The following PTPRQ variants were observed in gnomAD, a reference collection of about 807,000 sequenced individuals.
PTPRQ encodes phosphatidylinositol phosphatase PTPRQ.
In PTPRQ, 199 loss-of-function variants were observed where a neutral mutation model predicts 246.0. The ratio of observed to expected loss-of-function variants is 0.81; its 90% confidence interval spans 0.72 to 0.91. The LOEUF is 0.91. Among genes scored for constraint, PTPRQ ranks in the 40% least tolerant of loss-of-function variants. The pLI is 0.00. For missense variants in PTPRQ, 2,624 were observed against 2,528.4 expected (o/e 1.04, Z -0.81); for synonymous variants, 869 against 853.2 (o/e 1.02, Z -0.32).
chr12:80,567,852 T>C (rs1181003208), intron 25 of PTPRQ, among the ~76,000 whole-genome samples: 1 of 152,208 alleles, frequency 6.6e-6, no homozygotes, highest in Non-Finnish European at 1.5e-5. Context: ...CTGTATGAAA[T>C]ACATACCCAA....
chr12:80,626,107 A>G (rs1290631845), intron 33 of PTPRQ, among the ~76,000 whole-genome samples: 4 of 152,152 alleles, frequency 2.6e-5, no homozygotes, highest in Non-Finnish European at 5.9e-5. Context: ...AAAAGTTCCA[A>G]TGTGCTCACT....
intron 16 of PTPRQ, among the ~76,000 whole-genome samples, chr12:80,507,714 A>T (rs1895005394): frequency 6.6e-6 from 1 of 151,922 alleles, no homozygotes; most frequent in Admixed American, 6.6e-5. Context: ...TAATCATTGC[A>T]TCTACTTACT....
In PTPRQ at chr12:80,566,306, C is replaced by T. The variant is rs555432909; in HGVS notation, c.4285+16572C>T. Among the ~76,000 whole-genome samples, 298 of 151,914 alleles carry T rather than the reference C, an allele frequency of 2.0e-3. 3 individuals carry two copies. Among genetic ancestry groups the T allele is most frequent in the African/African-American group, 6.8e-3 (283 of 41,458 alleles). On this transcript the variant is annotated intron_variant, in intron 25 of 44. Coordinates refer to ENST00000644991, the MANE Select transcript of PTPRQ (RefSeq NM_001145026.2). ...CAGCCTGGCCAGCATGGCAAAACCC[C>T]GTCTCTACTAAAAATACAAAAGTTA... is the stretch of plus-strand genomic sequence containing the variant.
chr12:80,526,647 A>G (rs1315762805), intron 17 of PTPRQ, among the ~76,000 whole-genome samples: 2 of 152,096 alleles, frequency 1.3e-5, no homozygotes, highest in African/African-American at 2.4e-5. Flanking sequence ...GTTTGAAATT[A>G]TGTTCTTTGG....
intron 10 of PTPRQ, among the ~76,000 whole-genome samples, chr12:80,494,153 A>G (rs1894537600): frequency 6.6e-6 from 1 of 152,032 alleles, no homozygotes; most frequent in African/African-American, 2.4e-5. Flanking sequence ...CATTCAATAG[A>G]TGTTTATATT....
chr12:80,677,750 G>C (rs749748274), intron 43 of PTPRQ, among the ~76,000 whole-genome samples: 3 of 152,108 alleles, frequency 2.0e-5, no homozygotes, highest in Non-Finnish European at 4.4e-5. Context: ...CAATAGATAC[G>C]AATATAACCT....
chr12:80,558,467 C>CT (rs57046212), intron 25 of PTPRQ, among the ~76,000 whole-genome samples: 25,093 of 122,720 alleles, frequency 0.2, 3,589 homozygotes, highest in African/African-American at 0.39. Flanking sequence ...TGCACCTGGC[C>CT]TTTTTTTTTT....
intron 17 of PTPRQ, among the ~76,000 whole-genome samples, chr12:80,529,479 A>G (rs1445574936): frequency 6.6e-6 from 1 of 152,198 alleles, no homozygotes; most frequent in Non-Finnish European, 1.5e-5. Flanking sequence ...TTGTCTAGAG[A>G]ACCATACACA....
chr12:80,528,554 T>C (rs1895758143), intron 17 of PTPRQ, among the ~76,000 whole-genome samples: 1 of 152,188 alleles, frequency 6.6e-6, no homozygotes, highest in East Asian at 1.9e-4. Flanking sequence ...TTTCCTCTCC[T>C]GTTGTCCTCA....
At chr12:80,511,995 C>A (rs556111888) in intron 17 of PTPRQ, among the ~76,000 whole-genome samples, 6 of 152,108 alleles carry the variant, frequency 3.9e-5, no homozygotes, top group East Asian at 3.9e-4. Context: ...TTTTAGTAGT[C>A]TGGGAAAGAG....
chr12:80,638,581 C>T (rs910916730), intron 35 of PTPRQ, among the ~76,000 whole-genome samples: 1 of 152,134 alleles, frequency 6.6e-6, no homozygotes, highest in African/African-American at 2.4e-5. Flanking sequence ...ATTTTATACT[C>T]TCTGCCTGTA....
intron 35 of PTPRQ, 88 bp downstream of exon 35, chr12:80,635,161 G>C: frequency 1.3e-6 from 2 of 1,483,250 alleles, no homozygotes; most frequent in South Asian, 2.9e-5. Flanking sequence ...AGTGTTTGTG[G>C]GGCTCTAATT....
chr12:80,447,371 CCTTTG>C (rs964913532), intron 3 of PTPRQ, among the ~76,000 whole-genome samples: 1 of 151,972 alleles, frequency 6.6e-6, no homozygotes, highest in Non-Finnish European at 1.5e-5. Flanking sequence ...TTAATTATTT[CCTTTG>C]CTGTGCAGAA....
chr12:80,515,541 C>T (rs1895267242), intron 17 of PTPRQ, among the ~76,000 whole-genome samples: 1 of 151,952 alleles, frequency 6.6e-6, no homozygotes, highest in Non-Finnish European at 1.5e-5. Flanking sequence ...CTGCCTCAGC[C>T]TCCCGAGTAG....
chr12:80,592,207 C>T (rs1897823005), intron 26 of PTPRQ, among the ~76,000 whole-genome samples: 1 of 152,148 alleles, frequency 6.6e-6, no homozygotes, highest in Admixed American at 6.5e-5. Context: ...TTCGTGATAA[C>T]AAACATATGA....
Position 80,660,086 on chromosome 12 carries a change from T to G in PTPRQ, c.6192+2025T>G, listed in dbSNP as rs186068383. On this transcript the variant is annotated intron_variant, in intron 39 of 44. Coordinates refer to ENST00000644991, the MANE Select transcript of PTPRQ (RefSeq NM_001145026.2). Reference sequence around the variant, plus strand: ...AATTTTATTCGAAAGCACTTCCAATTGAAAGTTTATGAACACTTGTCCCAG... The same window carrying G: ...AATTTTATTCGAAAGCACTTCCAATGGAAAGTTTATGAACACTTGTCCCAG... Among the ~76,000 whole-genome samples, 61 of 152,152 alleles carry G rather than the reference T, an allele frequency of 4.0e-4. No individual in the cohort carries two copies. The East Asian group carries it at 5.0e-3, about 13-fold the overall frequency.
intron 25 of PTPRQ, among the ~76,000 whole-genome samples, chr12:80,569,850 G>C (rs560811536): frequency 4.6e-4 from 70 of 150,992 alleles, no homozygotes; most frequent in African/African-American, 1.7e-3. Flanking sequence ...TTCTGTTCCT[G>C]TGTTAGTTTG....
chr12:80,550,049 C>A (rs552769160), intron 25 of PTPRQ, among the ~76,000 whole-genome samples: 7 of 151,990 alleles, frequency 4.6e-5, no homozygotes, highest in African/African-American at 1.4e-4. Flanking sequence ...AACATGTAAA[C>A]CTTTCATGTA....
chr12:80,634,863 C>G (rs1899581897), intron 34 of PTPRQ, 82 bp from the exon 35 acceptor site: 1 of 1,501,656 alleles, frequency 6.7e-7, no homozygotes. Flanking sequence ...GACTAAATGT[C>G]TTTACTTAAA....
Sources: allele counts gnomAD v4.1 joint callset (sites outside exome capture counted in the v4.1 genomes callset), GRCh38; gene constraint gnomAD v4.1.1; transcripts MANE v1.5; gene names NCBI Gene and HGNC (gene_info 2026-07-23, HGNC 2026-07-21).